TMEM132C: variants seen among roughly 807,000 people sequenced by gnomAD.
The protein encoded by TMEM132C is transmembrane protein 132C, also known as protein phosphatase 1, regulatory subunit 152.
A neutral mutation model predicts 61.4 loss-of-function variants in TMEM132C; 29 were observed. The observed-to-expected ratio is 0.47, with a 90% CI of 0.35 to 0.64. The LOEUF (loss-of-function observed/expected upper bound fraction) is 0.64. TMEM132C is among the 30% of genes least tolerant of loss of function. TMEM132C has a pLI of 0.00. For missense variants in TMEM132C, 1,408 were observed against 1,476.9 expected (o/e 0.95, Z 0.76); for synonymous variants, 656 against 633.1 (o/e 1.04, Z -0.54).
At chr12:128,645,719 A>G (rs1954191379) in intron 4 of TMEM132C, among the ~76,000 whole-genome samples, 1 of 152,240 alleles carries the variant, frequency 6.6e-6, no homozygotes, top group African/African-American at 2.4e-5. Flanking sequence ...GGCTCAGTCC[A>G]TCAGCGTTGG....
intron 4 of TMEM132C, among the ~76,000 whole-genome samples, chr12:128,620,492 T>C (rs970117241): frequency 2.0e-5 from 3 of 152,194 alleles, no homozygotes; most frequent in African/African-American, 4.8e-5. Context: ...AACTGATTTC[T>C]AGCTCTGTTA....
At chr12:128,599,193 C>T (rs1238675815) in intron 3 of TMEM132C, among the ~76,000 whole-genome samples, 1 of 152,210 alleles carries the variant, frequency 6.6e-6, no homozygotes, top group African/African-American at 2.4e-5. Flanking sequence ...TCACCCCCAG[C>T]GTTTGTCCCT....
chr12:128,376,491 A>C (rs941048655), intron 1 of TMEM132C, among the ~76,000 whole-genome samples: 8 of 152,238 alleles, frequency 5.3e-5, no homozygotes, highest in African/African-American at 1.7e-4. Context: ...TATATTTATT[A>C]CTACAAAAGA....
chr12:128,605,234 G>C (rs1035075543), intron 3 of TMEM132C, among the ~76,000 whole-genome samples: 12 of 152,118 alleles, frequency 7.9e-5, no homozygotes, highest in African/African-American at 2.9e-4. Flanking sequence ...CGAAGACCCA[G>C]GAGAGCCAGC....
At chr12:128,637,512 G>A (rs942175730) in intron 4 of TMEM132C, among the ~76,000 whole-genome samples, 1 of 152,222 alleles carries the variant, frequency 6.6e-6, no homozygotes, top group Non-Finnish European at 1.5e-5. Flanking sequence ...TATAGTGTAA[G>A]CCTCTGTATT....
intron 4 of TMEM132C, among the ~76,000 whole-genome samples, chr12:128,620,181 G>A (rs906988466): frequency 2.1e-5 from 3 of 145,482 alleles, no homozygotes; most frequent in African/African-American, 7.8e-5. Context: ...GCAGTGAGCC[G>A]TGATGGTGCC....
chr12:128,597,212 G>A (rs767296369), intron 3 of TMEM132C, among the ~76,000 whole-genome samples: 1 of 152,180 alleles, frequency 6.6e-6, no homozygotes, highest in Non-Finnish European at 1.5e-5. Flanking sequence ...ATGCACAGTG[G>A]GTCACGTCTG....
At chr12:128,393,821 A>G (rs1874848180) in intron 1 of TMEM132C, among the ~76,000 whole-genome samples, 1 of 152,182 alleles carries the variant, frequency 6.6e-6, no homozygotes, top group African/African-American at 2.4e-5. Context: ...CGAATGGGCA[A>G]AGGTACCTGA....
At chr12:128,647,452 G>A (rs1025444786) in intron 4 of TMEM132C, among the ~76,000 whole-genome samples, 3 of 151,710 alleles carry the variant, frequency 2.0e-5, no homozygotes, top group African/African-American at 4.8e-5. Context: ...TTGGATGTGA[G>A]TTTACTAGAG....
intron 1 of TMEM132C, among the ~76,000 whole-genome samples, chr12:128,395,087 A>G (rs943055275): frequency 1.3e-5 from 2 of 151,690 alleles, no homozygotes; most frequent in African/African-American, 2.4e-5. Flanking sequence ...ATATAGACAT[A>G]TATACAATCA....
At position 128,548,576 on chromosome 12, in the gene TMEM132C, A is replaced by G. The variant is rs139489409; in HGVS notation, c.1121+4473A>G. 5.5e-3 allele frequency among the ~76,000 whole-genome samples: 832 copies of G among 152,270 alleles called. 1 individual carries two copies. The highest frequency in any genetic ancestry group is 0.017 in the Middle Eastern group (5 of 294). On this transcript the variant is annotated intron_variant, in intron 3 of 8. Transcript: ENST00000435159. ...CCGTCTCATGATCCTTAACCTAATC[A>G]CATCTACCAAGTCCCTTTGACTTAT... is the stretch of plus-strand genomic sequence containing the variant.
At chr12:128,349,554 A>G (rs1873274029) in intron 1 of TMEM132C, among the ~76,000 whole-genome samples, 1 of 152,194 alleles carries the variant, frequency 6.6e-6, no homozygotes, top group South Asian at 2.1e-4. Flanking sequence ...ATGAATATTC[A>G]TACATACACT....
At chr12:128,350,435 G>A (rs1373997978) in intron 1 of TMEM132C, among the ~76,000 whole-genome samples, 1 of 152,162 alleles carries the variant, frequency 6.6e-6, no homozygotes, top group Non-Finnish European at 1.5e-5. Context: ...GCTTCTCCCT[G>A]GAACCTCACA....
intron 1 of TMEM132C, among the ~76,000 whole-genome samples, chr12:128,395,630 C>A (rs1318684879): frequency 2.6e-5 from 4 of 152,180 alleles, no homozygotes; most frequent in Non-Finnish European, 5.9e-5. Context: ...AACACAAAGC[C>A]TGTTTTATGA....
chr12:128,521,773 G>T (rs1795808390), intron 2 of TMEM132C, among the ~76,000 whole-genome samples: 1 of 152,098 alleles, frequency 6.6e-6, no homozygotes, highest in African/African-American at 2.4e-5. Flanking sequence ...GCGGAATCTG[G>T]TACTCAGATA....
chr12:128,280,694 T>C (rs1410221172), intron 1 of TMEM132C, among the ~76,000 whole-genome samples: 1 of 152,228 alleles, frequency 6.6e-6, no homozygotes, highest in Non-Finnish European at 1.5e-5. Context: ...ACTCGGCCTG[T>C]TATACTGTTG....
At chr12:128,417,453 A>T (rs1387599299) in intron 2 of TMEM132C, among the ~76,000 whole-genome samples, 2 of 151,946 alleles carry the variant, frequency 1.3e-5, no homozygotes, top group Non-Finnish European at 2.9e-5. Flanking sequence ...AGAGAGGAGG[A>T]TCTGTTTTCT....
chr12:128,690,088 C>T (rs1954708052), intron 5 of TMEM132C, among the ~76,000 whole-genome samples: 2 of 152,200 alleles, frequency 1.3e-5, no homozygotes, highest in African/African-American at 4.8e-5. Flanking sequence ...AATATGGCAA[C>T]TGACCATATG....
intron 1 of TMEM132C, among the ~76,000 whole-genome samples, chr12:128,350,862 T>C (rs1460006202): frequency 6.6e-6 from 1 of 152,012 alleles, no homozygotes; most frequent in Non-Finnish European, 1.5e-5. Context: ...CATATATTAC[T>C]AGAGGCACCA....
Sources: allele counts gnomAD v4.1 joint callset (sites outside exome capture counted in the v4.1 genomes callset), GRCh38; gene constraint gnomAD v4.1.1; transcripts MANE v1.5; gene names NCBI Gene and HGNC (gene_info 2026-07-23, HGNC 2026-07-21).